Variants in SMAD4 observed in about 807,000 individuals in gnomAD.
The protein encoded by SMAD4 is MAD homolog 4.
A neutral mutation model predicts 63.2 loss-of-function variants in SMAD4; 7 were observed. The ratio of observed to expected loss-of-function variants is 0.11; its 90% CI spans 0.06 to 0.21. SMAD4 has a LOEUF of 0.21. Among genes scored for constraint, SMAD4 ranks in the 10% least tolerant of loss-of-function variants. The pLI, the probability that SMAD4 is intolerant of heterozygous loss-of-function variation, is 1.00. For missense variants in SMAD4, 312 were observed against 693.8 expected (o/e 0.45, Z 6.18); for synonymous variants, 215 against 235.4 (o/e 0.91, Z 0.79).
At chr18:51,070,296 A>G (rs1910283090) in intron 10 of SMAD4, among the ~76,000 whole-genome samples, 1 of 152,206 alleles carries the variant, frequency 6.6e-6, no homozygotes, top group African/African-American at 2.4e-5. Context: ...ACTTATTTAT[A>G]TTTTGGTACA....
intron 5 of SMAD4, among the ~76,000 whole-genome samples, chr18:51,057,315 C>T (rs1039799983): frequency 1.3e-5 from 2 of 151,796 alleles, no homozygotes; most frequent in Non-Finnish European, 2.9e-5. Context: ...AACCAAATTT[C>T]CACTTTAAAA....
In SMAD4 at chr18:51,073,388, T is replaced by TATATAC. The variant is rs1417299090; in HGVS notation, c.1309-3249_1309-3248insTATACA. Among the ~76,000 whole-genome samples, 200 of 64,150 alleles carry TATATAC rather than the reference T, an allele frequency of 3.1e-3. 3 individuals carry two copies. Among genetic ancestry groups the TATATAC allele is most frequent in the South Asian group, 3.5e-3 (6 of 1,708 alleles). The allele number at this position is 64,150 out of a possible 152,430, so 42.1% of individuals were successfully genotyped here. On this transcript the variant is annotated intron_variant, in intron 10 of 11. Coordinates refer to ENST00000342988, the MANE Select transcript of SMAD4 (RefSeq NM_005359.6). ...ATATATATATATATATATATATATA[T>TATATAC]ACACACACACACACACACACACACA... is the stretch of plus-strand genomic sequence containing the variant.
Position 51,078,752 on chromosome 18 carries a change from G to T in SMAD4, c.*285G>T. 1 of 405,792 alleles carries T rather than the reference G, an allele frequency of 2.5e-6. No individual in the cohort carries two copies. Among genetic ancestry groups the T allele is most frequent in the Admixed American group, 4.0e-5 (1 of 24,880 alleles). 25.1% of individuals were successfully genotyped at this position (405,792 alleles called of 1,614,324 possible). ...GTATGAAGGAATCATTCCAGTGCTAGAAAATTTAGCCCTTTAAAACGTCTT... is the reference window on the plus strand; with the variant it reads ...GTATGAAGGAATCATTCCAGTGCTATAAAATTTAGCCCTTTAAAACGTCTT... On this transcript the variant is annotated 3_prime_UTR_variant, in exon 12 of 12. Coordinates refer to ENST00000342988, the MANE Select transcript of SMAD4 (RefSeq NM_005359.6).
intron 4 of SMAD4, among the ~76,000 whole-genome samples, chr18:51,050,808 A>T (rs1472393809): frequency 6.6e-6 from 1 of 151,678 alleles, no homozygotes; most frequent in Non-Finnish European, 1.5e-5. Flanking sequence ...ATTTAGGAAG[A>T]GTATGCAATT....
At chr18:51,046,891 T>A (rs1428793861) in intron 1 of SMAD4, 29 bp from the exon 2 acceptor site, 1 of 648,556 alleles carries the variant, frequency 1.5e-6, no homozygotes, top group African/African-American at 1.8e-5. Flanking sequence ...TGTGTTCTGA[T>A]GTGTGTCTTT....
rs1909240745 is a variant in SMAD4 at position 51,037,531 on chromosome 18, G to A, written c.-128+6908G>A. ...CACATAAGCATTTGAAAAAATGCCGGTTTCACTTAATAATCCCCTTGCTGC... is the reference window on the plus strand; with the variant it reads ...CACATAAGCATTTGAAAAAATGCCGATTTCACTTAATAATCCCCTTGCTGC... On this transcript the variant is annotated intron_variant, in intron 1 of 11. Transcript: ENST00000342988. 2.0e-5 allele frequency among the ~76,000 whole-genome samples: 3 copies of A among 152,054 alleles called. No individual in the cohort carries two copies. In the South Asian group the frequency reaches 6.2e-4, roughly 31 times the overall value.
chr18:51,050,607 C>T (rs1464309566), intron 4 of SMAD4, among the ~76,000 whole-genome samples: 3 of 148,044 alleles, frequency 2.0e-5, no homozygotes, highest in East Asian at 2.0e-4. Context: ...TGCAGTGAGC[C>T]GAGATAGTGG....
chr18:51,065,721 G>A (rs1038560947), intron 9 of SMAD4, 115 bp downstream of exon 9: 2 of 797,218 alleles, frequency 2.5e-6, no homozygotes, highest in Non-Finnish European at 3.8e-6. Flanking sequence ...ATAAATAAAG[G>A]AATAAAGGTC....
chr18:51,046,898 C>CT (rs745430558), intron 1 of SMAD4, 22 bp from the exon 2 acceptor site: 24,558 of 474,622 alleles, frequency 0.052, no homozygotes, highest in South Asian at 0.081. Context: ...TGATGTGTGT[C>CT]TTTTTTTTTT....
chr18:51,047,525 A>G (rs1479223825), intron 2 of SMAD4, among the ~76,000 whole-genome samples: 1 of 152,192 alleles, frequency 6.6e-6, no homozygotes, highest in African/African-American at 2.4e-5. Flanking sequence ...GAAAATTTGG[A>G]AAATAAAAAT....
intron 8 of SMAD4, among the ~76,000 whole-genome samples, chr18:51,062,856 T>TTTTTTTTG (rs1910054068): frequency 7.9e-6 from 1 of 125,798 alleles, no homozygotes. Context: ...TACTTGTTTT[T>TTTTTTTTG]TTTTTTTTTT....
intron 8 of SMAD4, among the ~76,000 whole-genome samples, chr18:51,065,015 A>T (rs527679571): frequency 6.6e-6 from 1 of 152,252 alleles, no homozygotes; most frequent in Non-Finnish European, 1.5e-5. Flanking sequence ...TTGAGACTAC[A>T]TAGAGAATAT....
Position 51,058,256 on chromosome 18 carries a change from C to G in SMAD4, c.787+12C>G. On this transcript the variant is annotated intron_variant, in intron 6 of 11. Coordinates refer to ENST00000342988, the MANE Select transcript of SMAD4 (RefSeq NM_005359.6). Reference sequence around the variant, plus strand: ...TACTTACCATCATAGTATGTACATACTTTAAAAAATCTTTTAAATAGTTGA... The same window carrying G: ...TACTTACCATCATAGTATGTACATAGTTTAAAAAATCTTTTAAATAGTTGA... 6.2e-7 allele frequency: 1 copy of G among 1,611,134 alleles called. No homozygotes were observed. The highest frequency in any genetic ancestry group is 1.1e-5 in the South Asian group (1 of 91,084).
intron 1 of SMAD4, among the ~76,000 whole-genome samples, chr18:51,031,000 G>T (rs1909032975): frequency 6.6e-6 from 1 of 152,202 alleles, no homozygotes. Flanking sequence ...AGTGAAAGTT[G>T]TAAATTGTTT....
chr18:51,070,427 G>T (rs1910286190), intron 10 of SMAD4, among the ~76,000 whole-genome samples: 1 of 151,970 alleles, frequency 6.6e-6, no homozygotes, highest in Admixed American at 6.6e-5. Context: ...ATACCTTGTT[G>T]GACAAGATAT....
chr18:51,063,107 C>T (rs1398380910), intron 8 of SMAD4, among the ~76,000 whole-genome samples: 1 of 152,002 alleles, frequency 6.6e-6, no homozygotes, highest in Non-Finnish European at 1.5e-5. Flanking sequence ...CCGCCTCGGC[C>T]TCCCAAAGTG....
chr18:51,034,919 C>T (rs1195985160), intron 1 of SMAD4, among the ~76,000 whole-genome samples: 3 of 152,200 alleles, frequency 2.0e-5, no homozygotes, highest in Admixed American at 1.3e-4. Flanking sequence ...TGAATTCTAG[C>T]CCCAGAAATT....
intron 7 of SMAD4, among the ~76,000 whole-genome samples, chr18:51,059,119 C>T (rs1909931622): frequency 6.6e-6 from 1 of 152,268 alleles, no homozygotes; most frequent in South Asian, 2.1e-4. Context: ...TGTTATTTTC[C>T]TTCCAGTCAT....
intron 5 of SMAD4, among the ~76,000 whole-genome samples, chr18:51,057,342 G>A (rs903085517): frequency 6.6e-6 from 1 of 152,050 alleles, no homozygotes; most frequent in African/African-American, 2.4e-5. Context: ...CCTTAAAAAT[G>A]TAGGACAGTA....
Sources: allele counts gnomAD v4.1 joint callset (sites outside exome capture counted in the v4.1 genomes callset), GRCh38; gene constraint gnomAD v4.1.1; transcripts MANE v1.5; gene names NCBI Gene and HGNC (gene_info 2026-07-23, HGNC 2026-07-21).